PID1: variants seen among roughly 807,000 people sequenced by gnomAD.
PID1 encodes phosphotyrosine interaction domain containing 1.
Under a neutral mutation model 19.1 loss-of-function variants are expected in PID1, and 10 were observed. The ratio of observed to expected loss-of-function variants is 0.52; its 90% CI spans 0.32 to 0.89. The LOEUF is 0.89. PID1 is among the 40% of genes least tolerant of loss of function. The pLI is 0.03. For missense variants in PID1, 248 were observed against 285.3 expected (o/e 0.87, Z 0.94); for synonymous variants, 130 against 116.0 (o/e 1.12, Z -0.78).
Position 229,166,925 on chromosome 2 carries a change from T to TA in PID1, c.31-10962dup, listed in dbSNP as rs576794415. Among the ~76,000 whole-genome samples, 74 of 132,430 alleles carry TA rather than the reference T, an allele frequency of 5.6e-4. 1 individual carries two copies. Among genetic ancestry groups the TA allele is most frequent in the South Asian group, 5.3e-3 (23 of 4,340 alleles). The allele number at this position is 132,430 out of a possible 152,430, so 86.9% of individuals were successfully genotyped here. On this transcript the variant is annotated intron_variant, in intron 1 of 2. Coordinates refer to ENST00000392055, the MANE Select transcript of PID1 (RefSeq NM_001100818.2). ...GTTGTAATGGATTATAACCCTAGACTAAAAAAAATATCAATGAACAGTACT... is the reference window on the plus strand; with the variant it reads ...GTTGTAATGGATTATAACCCTAGACTAAAAAAAAATATCAATGAACAGTACT...
intron 2 of PID1, among the ~76,000 whole-genome samples, chr2:229,136,530 T>C (rs1689860718): frequency 6.6e-6 from 1 of 152,218 alleles, no homozygotes; most frequent in African/African-American, 2.4e-5. Flanking sequence ...AAAAGTGTAA[T>C]TTTCCCCCTC....
At chr2:229,074,326 A>T (rs551786347) in intron 2 of PID1, among the ~76,000 whole-genome samples, 91 of 152,288 alleles carry the variant, frequency 6.0e-4, no homozygotes, top group African/African-American at 2.0e-3. Flanking sequence ...TTACTTAAAA[A>T]AAAAGATAAT....
chr2:229,229,465 T>G (rs1377723837), intron 1 of PID1, among the ~76,000 whole-genome samples: 1 of 106,852 alleles, frequency 9.4e-6, no homozygotes, highest in African/African-American at 4.0e-5. Flanking sequence ...AAACCGCATC[T>G]CTACAAAAAA....
At chr2:229,039,063 T>C (rs1016131643) in intron 2 of PID1, among the ~76,000 whole-genome samples, 1 of 152,164 alleles carries the variant, frequency 6.6e-6, no homozygotes, top group Non-Finnish European at 1.5e-5. Flanking sequence ...CTGTATACAG[T>C]ATTAGGTATC....
At chr2:229,134,903 G>T (rs569523782) in intron 2 of PID1, among the ~76,000 whole-genome samples, 20 of 148,834 alleles carry the variant, frequency 1.3e-4, no homozygotes, top group African/African-American at 4.9e-4. Context: ...TATGTCCGTG[G>T]GATAAATCCC....
chr2:229,249,767 C>A (rs2106282839), intron 1 of PID1, among the ~76,000 whole-genome samples: 1 of 151,950 alleles, frequency 6.6e-6, no homozygotes, highest in East Asian at 1.9e-4. Flanking sequence ...GAGTATGATC[C>A]CCCAGGCAGG....
At chr2:229,029,514 AC>A (rs1046547717) in intron 2 of PID1, among the ~76,000 whole-genome samples, 19 of 152,152 alleles carry the variant, frequency 1.2e-4, no homozygotes, top group African/African-American at 4.6e-4. Context: ...CAATTTCTAT[AC>A]CATGTAGAAA....
intron 2 of PID1, among the ~76,000 whole-genome samples, chr2:229,117,118 T>C (rs1392069844): frequency 6.6e-6 from 1 of 152,184 alleles, no homozygotes; most frequent in Non-Finnish European, 1.5e-5. Context: ...TATTCTGAGC[T>C]CCGGATCAAT....
In PID1 at chr2:229,071,810, T is replaced by C. The variant is rs78456401; in HGVS notation, c.178-45702A>G. ...CCACTGAAATCTATGGTGTAAAAGA[T>C]ATTATGGTGAAAAAGAAACAATGAC... On this transcript the variant is annotated intron_variant, in intron 2 of 2. Transcript: ENST00000392055. 5.1e-4 allele frequency among the ~76,000 whole-genome samples: 77 copies of C among 152,356 alleles called. No homozygotes were observed. The East Asian group carries it at 0.013, about 27-fold the overall frequency.
At position 229,025,272 on chromosome 2, in the gene PID1, G is replaced by A. The variant is rs1274236019; in HGVS notation, c.*360C>T. On this transcript the variant is annotated 3_prime_UTR_variant, in exon 3 of 3. Coordinates refer to ENST00000392055, the MANE Select transcript of PID1 (RefSeq NM_001100818.2). ...TAACATTCTTGTGGAATTTCATAAG[G>A]CAGATCGGAATGGCCCATCCAATAA... The A allele has an allele frequency of 9.1e-6, 2 of 220,824 alleles. No homozygotes were observed. Among genetic ancestry groups the A allele is most frequent in the Admixed American group, 1.0e-4 (2 of 19,076 alleles). The allele number at this position is 220,824 out of a possible 1,614,324, so 13.7% of individuals were successfully genotyped here.
chr2:229,025,471 G>A lies in PID1; in HGVS notation c.*161C>T, dbSNP rs1693393130. ...TTCAATGTAACGTAATTACTTTAAT[G>A]ATACATTTCTTTAGATTTAGAATTG... On this transcript the variant is annotated 3_prime_UTR_variant, in exon 3 of 3. Coordinates refer to ENST00000392055, the MANE Select transcript of PID1 (RefSeq NM_001100818.2). 7.8e-6 allele frequency: 5 copies of A among 637,230 alleles called. No individual in the cohort carries two copies. The South Asian group carries it at 9.6e-5, about 12-fold the overall frequency. 39.5% of individuals were successfully genotyped at this position (637,230 alleles called of 1,614,324 possible). A position where few individuals can be genotyped will look rare whatever the true frequency, so the allele number is the denominator to read the frequency against.
chr2:229,118,489 G>C (rs17676106), intron 2 of PID1, among the ~76,000 whole-genome samples: 2 of 152,066 alleles, frequency 1.3e-5, no homozygotes, highest in Non-Finnish European at 2.9e-5. Context: ...GACTACACGT[G>C]AGTCATTTAA....
chr2:229,196,364 T>A (rs1192842511), intron 1 of PID1, among the ~76,000 whole-genome samples: 1 of 152,202 alleles, frequency 6.6e-6, no homozygotes, highest in South Asian at 2.1e-4. Context: ...AGACTAAAAG[T>A]TATCCCTTTT....
intron 2 of PID1, among the ~76,000 whole-genome samples, chr2:229,058,508 C>G (rs944093750): frequency 6.1e-4 from 93 of 152,154 alleles, no homozygotes; most frequent in Non-Finnish European, 1.0e-4. Context: ...TGAAGATGTC[C>G]ATATGACAGC....
At chr2:229,072,381 G>A (rs766722847) in intron 2 of PID1, among the ~76,000 whole-genome samples, 4 of 152,218 alleles carry the variant, frequency 2.6e-5, no homozygotes, top group South Asian at 2.1e-4. Context: ...GAGGTCAGGC[G>A]TTCAAGACCA....
At chr2:229,212,585 C>T (rs180742695) in intron 1 of PID1, among the ~76,000 whole-genome samples, 17 of 152,268 alleles carry the variant, frequency 1.1e-4, no homozygotes, top group Admixed American at 9.8e-4. Context: ...TATCCCTCTA[C>T]AAATGCTCAT....
intron 2 of PID1, among the ~76,000 whole-genome samples, chr2:229,051,876 C>A (rs1245932156): frequency 6.6e-6 from 1 of 152,178 alleles, no homozygotes; most frequent in Non-Finnish European, 1.5e-5. Context: ...CTTCCTATAA[C>A]ATTGGCCTAA....
At chr2:229,119,976 G>C (rs955218645) in intron 2 of PID1, among the ~76,000 whole-genome samples, 2 of 152,120 alleles carry the variant, frequency 1.3e-5, no homozygotes, top group Non-Finnish European at 2.9e-5. Flanking sequence ...ACTCGGACTG[G>C]CCTTAATACC....
At chr2:229,045,268 T>G (rs1693852393) in intron 2 of PID1, among the ~76,000 whole-genome samples, 1 of 152,232 alleles carries the variant, frequency 6.6e-6, no homozygotes, top group Admixed American at 6.5e-5. Flanking sequence ...CAGGCTAGTT[T>G]TATGTGGAGA....
Sources: gnomAD v4.1 joint callset for allele counts (sites outside exome capture counted in the v4.1 genomes callset) on GRCh38, gnomAD v4.1.1 for gene constraint, MANE v1.5 for transcripts, NCBI Gene and HGNC (gene_info 2026-07-23, HGNC 2026-07-21) for gene names.